The following CAPRIN2 variants were observed in gnomAD, a reference collection of about 807,000 sequenced individuals.
CAPRIN2 encodes the protein caprin family member 2.
A neutral mutation model predicts 130.4 loss-of-function variants in CAPRIN2; 66 were observed. The observed-to-expected ratio is 0.51, with a 90% confidence interval of 0.42 to 0.62. The LOEUF is 0.62. Among genes scored for constraint, CAPRIN2 ranks in the 20% least tolerant of loss-of-function variants. The probability of loss-of-function intolerance (pLI) is 0.00; values close to 1 mark genes in which losing one functional copy is unlikely to be tolerated. For synonymous variants in CAPRIN2, 471 were observed against 444.1 expected (o/e 1.06, Z -0.76); for missense variants, 1,185 against 1,246.6 (o/e 0.95, Z 0.74).
At position 30,729,229 on chromosome 12, in the gene CAPRIN2, G is replaced by GTC. The variant is rs2061833159; in HGVS notation, c.1200_1201insGA (p.Pro401AspfsTer40). On this transcript the variant is annotated frameshift_variant, in exon 8 of 17. Transcript: ENST00000298892. LOFTEE classifies it high-confidence loss of function. ...TCAGTAAGCATATCCCAACGTTTTG[G>GTC]GAGATTTGGTTTTCTAGCATAATCT... The GTC allele has an allele frequency of 6.2e-7, 1 of 1,612,988 alleles. No individual in the cohort carries two copies. The highest frequency in any genetic ancestry group is 8.5e-7 in the Non-Finnish European group (1 of 1,179,770).
intron 2 of CAPRIN2, among the ~76,000 whole-genome samples, chr12:30,749,485 T>A (rs1306664494): frequency 6.6e-6 from 1 of 152,172 alleles, no homozygotes. Context: ...GTAACGCAGA[T>A]GAAAGGTTAT....
chr12:30,750,784 ACATAAGT>A (rs1220203275), intron 2 of CAPRIN2, among the ~76,000 whole-genome samples: 1 of 152,214 alleles, frequency 6.6e-6, no homozygotes, highest in Non-Finnish European at 1.5e-5. Context: ...CCACTCTGGC[ACATAAGT>A]TTAACTTAAA....
chr12:30,751,247 T>C, intron 1 of CAPRIN2, 114 bp from the exon 3 acceptor site: 1 of 795,694 alleles, frequency 1.3e-6, no homozygotes, highest in Non-Finnish European at 2.2e-6. Context: ...GCTATCAATC[T>C]GCAAGACTAT....
At chr12:30,744,378 GAA>G (rs1336794439) in intron 2 of CAPRIN2, among the ~76,000 whole-genome samples, 23 of 152,036 alleles carry the variant, frequency 1.5e-4, no homozygotes, top group Non-Finnish European at 1.0e-4. Context: ...ATGCCTTTGG[GAA>G]AAAGTAATTT....
At chr12:30,734,424 G>C (rs1330954906) in intron 4 of CAPRIN2, among the ~76,000 whole-genome samples, 1 of 151,636 alleles carries the variant, frequency 6.6e-6, no homozygotes, top group Admixed American at 6.6e-5. Context: ...CACTGTGAGG[G>C]AAAAAAAATC....
exon 1 of CAPRIN2, chr12:30,753,587 T>G (rs562117200): frequency 6.2e-7 from 1 of 1,613,590 alleles, no homozygotes; most frequent in African/African-American, 1.3e-5. Flanking sequence ...ATGAAAAGAG[T>G]TGCACCATTG....
intron 3 of CAPRIN2, 55 bp downstream of exon 4, chr12:30,740,965 C>T (rs1247970069): frequency 9.7e-7 from 1 of 1,033,204 alleles, no homozygotes; most frequent in African/African-American, 1.6e-5. Flanking sequence ...CTGACATTTT[C>T]TCCAAGATCA....
chr12:30,719,809 C>G (rs1372686486), intron 12 of CAPRIN2: 4 of 152,122 alleles, frequency 2.6e-5, no homozygotes, highest in African/African-American at 9.7e-5. Context: ...CTGTGAGTTA[C>G]TTGGTAACAA....
chr12:30,723,367 A>C (rs983386955), intron 10 of CAPRIN2, 53 bp from the exon 12 acceptor site: 2 of 1,272,598 alleles, frequency 1.6e-6, no homozygotes, highest in East Asian at 2.3e-5. Context: ...AAGCTTACGC[A>C]TATCAACTAG....
At chr12:30,719,162 C>G (rs1428948398) in intron 12 of CAPRIN2, 2 of 1,614,012 alleles carry the variant, frequency 1.2e-6, no homozygotes, top group Admixed American at 1.7e-5. Context: ...TGTTCAGAGC[C>G]CTTTGCCATG....
intron 1 of CAPRIN2, chr12:30,751,648 T>C (rs935543378): frequency 2.5e-5 from 4 of 159,370 alleles, no homozygotes; most frequent in African/African-American, 9.6e-5. Flanking sequence ...CTGTACAAAA[T>C]GTCAGTGGTG....
Position 30,714,940 on chromosome 12 carries a change from A to T in CAPRIN2, c.2500+19T>A, listed in dbSNP as rs755681734. 7.5e-6 allele frequency: 12 copies of T among 1,597,422 alleles called. No individual in the cohort carries two copies. In the East Asian group the frequency reaches 2.7e-4, roughly 36 times the overall value. On this transcript the variant is annotated intron_variant, in intron 14 of 16. Transcript: ENST00000298892. The stretch of plus-strand genomic sequence containing the variant: ...CAGACAAAATAATTCAGTATAATTC[A>T]ATTTTATTCAGGGCATACCTTTATA...
chr12:30,754,864 C>T (rs2075556730), upstream of CAPRIN2: 2 of 152,020 alleles, frequency 1.3e-5, no homozygotes, highest in Admixed American at 6.6e-5. Flanking sequence ...CGCGTCTCCT[C>T]CTCCTGTCTC....
intron 12 of CAPRIN2, 64 bp downstream of exon 13, chr12:30,720,747 A>G: frequency 1.1e-6 from 1 of 922,026 alleles, no homozygotes; most frequent in South Asian, 1.4e-5. Context: ...CCTGTAATTC[A>G]TAAGATAAAC....
rs182225072 is a variant in CAPRIN2, at chr12:30,726,138, C to T, written c.1783-50G>A. The T allele has an allele frequency of 2.8e-5, 37 of 1,343,976 alleles. No individual in the cohort carries two copies. In the Admixed American group the frequency reaches 1.0e-3, roughly 37 times the overall value. The allele number at this position is 1,343,976 out of a possible 1,614,324, so 83.3% of individuals were successfully genotyped here. On this transcript the variant is annotated intron_variant, in intron 8 of 16. Transcript: ENST00000298892. ...AAGAGTGAAATGCAAATTCAAGAGC[C>T]TAATCTAGGAAACAGTTTATCACTA...
In CAPRIN2 at chr12:30,726,105, T is replaced by C. The variant is rs755027717; in HGVS notation, c.1783-17A>G. The stretch of plus-strand genomic sequence containing the variant: ...CTTAGGCACCTACAAGATAAACCCA[T>C]AATGTGTAAGAGTGAAATGCAAATT... On this transcript the variant is annotated splice_polypyrimidine_tract_variant and intron_variant, in intron 8 of 16. Transcript: ENST00000298892. 6.8e-7 allele frequency: 1 copy of C among 1,462,750 alleles called. No individual in the cohort carries two copies. The highest frequency in any genetic ancestry group is 9.1e-7 in the Non-Finnish European group (1 of 1,099,222). 90.6% of individuals were successfully genotyped at this position (1,462,750 alleles called of 1,614,324 possible).
chr12:30,721,681 C>CT, intron 11 of CAPRIN2, among the ~76,000 whole-genome samples: 1 of 152,264 alleles, frequency 6.6e-6, no homozygotes, highest in South Asian at 2.1e-4. Context: ...TATCTAAATG[C>CT]TTCTATGTGG....
At position 30,719,231 on chromosome 12, in the gene CAPRIN2, G is replaced by A; in HGVS notation, c.2148+1580C>T. 2 of 1,613,700 alleles carry A rather than the reference G, an allele frequency of 1.2e-6. No individual in the cohort carries two copies. Among genetic ancestry groups the A allele is most frequent in the Non-Finnish European group, 1.7e-6 (2 of 1,179,772 alleles). On this transcript the variant is annotated intron_variant, in intron 12 of 16. Transcript: ENST00000298892. ...TTGCCTGGGGGAATTGCTGCCTGGG[G>A]AGGAGAAATGCAGCATCAGCCAATC...
chr12:30,746,242 ACCC>A (rs1187926653), intron 2 of CAPRIN2, among the ~76,000 whole-genome samples: 7 of 152,188 alleles, frequency 4.6e-5, no homozygotes, highest in African/African-American at 1.7e-4. Flanking sequence ...ATTCAACAAA[ACCC>A]ATAGAGCTGG....
Sources: allele counts gnomAD v4.1 joint callset (sites outside exome capture counted in the v4.1 genomes callset), GRCh38; gene constraint gnomAD v4.1.1; transcripts MANE v1.5; gene names NCBI Gene and HGNC (gene_info 2026-07-23, HGNC 2026-07-21).